The following FAAH2 variants were observed in gnomAD, a reference collection of about 807,000 sequenced individuals.
The protein encoded by FAAH2 is fatty-acid amide hydrolase 2.
FAAH2 carries 60 observed loss-of-function variants against 36.9 expected under a neutral mutation model. The ratio of observed to expected loss-of-function variants is 1.63; its 90% CI spans 1.32 to 2.02. The LOEUF (loss-of-function observed/expected upper bound fraction) is 2.02, where lower values mean the gene tolerates loss of function less well. Ranked by LOEUF, FAAH2 falls within the 30% of genes most tolerant of loss-of-function variation. The pLI, the probability that FAAH2 is intolerant of heterozygous loss-of-function variation, is 0.00. For synonymous variants in FAAH2, 214 were observed against 143.8 expected (o/e 1.49, Z -3.49); for missense variants, 689 against 397.5 (o/e 1.73, Z -6.23).
chrX:57,345,643 T>C (rs190892321), intron 5 of FAAH2, among the ~76,000 whole-genome samples: 1 of 111,608 alleles, frequency 9.0e-6, no homozygotes, highest in East Asian at 2.8e-4. Flanking sequence ...TACCCAATTA[T>C]AGTTACATAT....
intron 10 of FAAH2, among the ~76,000 whole-genome samples, chrX:57,459,440 G>T (rs576339234): frequency 3.6e-5 from 4 of 112,476 alleles, no homozygotes; most frequent in African/African-American, 1.3e-4. Flanking sequence ...ATGGCTCTGA[G>T]GAGAGCAGCA....
chrX:57,272,106 T>C, the FAAH2 span, among the ~76,000 whole-genome samples: 1 of 106,386 alleles, frequency 9.4e-6, no homozygotes, highest in African/African-American at 3.4e-5. Context: ...GTGAAGAATA[T>C]ACAAGTATCA....
the FAAH2 span, among the ~76,000 whole-genome samples, chrX:57,139,517 A>C: frequency 9.0e-6 from 1 of 111,100 alleles, no homozygotes; most frequent in Non-Finnish European, 1.9e-5. Flanking sequence ...GCAGTGGTGC[A>C]ATCTTGGCTC....
the FAAH2 span, among the ~76,000 whole-genome samples, chrX:57,200,758 G>T: frequency 2.3e-3 from 251 of 111,455 alleles, 1 homozygote; most frequent in African/African-American, 7.8e-3. Flanking sequence ...AATTATTTTT[G>T]ATTGGTTCAT....
intron 7 of FAAH2, among the ~76,000 whole-genome samples, chrX:57,422,446 A>T (rs1417629307): frequency 8.9e-6 from 1 of 112,248 alleles, no homozygotes; most frequent in African/African-American, 3.2e-5. Context: ...CTCACTCCAT[A>T]GGTCAGGGAA....
At chrX:57,240,737 C>T in the FAAH2 span, among the ~76,000 whole-genome samples, 1 of 112,074 alleles carries the variant, frequency 8.9e-6, no homozygotes, top group Non-Finnish European at 1.9e-5. Flanking sequence ...TGGTGCTTAT[C>T]AGCAGAAGCT....
At chrX:57,216,610 G>GTA in the FAAH2 span, among the ~76,000 whole-genome samples, 3 of 8,668 alleles carry the variant, frequency 3.5e-4, no homozygotes, top group Non-Finnish European at 5.2e-4. Flanking sequence ...ATATATATAC[G>GTA]TATATATATA....
intron 3 of FAAH2, among the ~76,000 whole-genome samples, chrX:57,328,373 G>A (rs2053288019): frequency 9.0e-6 from 1 of 111,393 alleles, no homozygotes; most frequent in African/African-American, 3.3e-5. Context: ...ATTTTTTCAT[G>A]AAATTTTTAT....
chrX:57,220,128 C>T, the FAAH2 span, among the ~76,000 whole-genome samples: 2 of 108,486 alleles, frequency 1.8e-5, no homozygotes, highest in African/African-American at 6.8e-5. Flanking sequence ...CTTTCTCCTC[C>T]CAACCGTACC....
the FAAH2 span, among the ~76,000 whole-genome samples, chrX:57,240,783 C>T: frequency 2.1e-4 from 23 of 112,024 alleles, no homozygotes; most frequent in African/African-American, 7.5e-4. Context: ...AGTGTAGGAG[C>T]TATGAAGTTG....
chrX:57,429,676 C>A (rs2056247360), intron 7 of FAAH2, among the ~76,000 whole-genome samples: 1 of 111,675 alleles, frequency 9.0e-6, no homozygotes, highest in South Asian at 3.7e-4. Context: ...AATTCCACTA[C>A]TGGTTATCTA....
At chrX:57,275,699 A>T in the FAAH2 span, among the ~76,000 whole-genome samples, 1 of 110,439 alleles carries the variant, frequency 9.1e-6, no homozygotes, top group Admixed American at 9.7e-5. Context: ...AGGGACACAG[A>T]TAGGCTCAAA....
At chrX:57,427,403 A>G (rs1406374866) in intron 7 of FAAH2, among the ~76,000 whole-genome samples, 1 of 111,502 alleles carries the variant, frequency 9.0e-6, no homozygotes, top group African/African-American at 3.3e-5. Context: ...CTATGATGCC[A>G]GTATCACCTT....
chrX:57,429,715 G>A (rs1478867089), intron 7 of FAAH2, among the ~76,000 whole-genome samples: 1 of 111,446 alleles, frequency 9.0e-6, no homozygotes, highest in African/African-American at 3.3e-5. Flanking sequence ...TATACAAAAG[G>A]ATATCTACAC....
chrX:57,467,634 C>T (rs2057075901), intron 10 of FAAH2, among the ~76,000 whole-genome samples: 1 of 111,902 alleles, frequency 8.9e-6, no homozygotes, highest in Non-Finnish European at 1.9e-5. Context: ...CACCACAGCT[C>T]AAGGAGGCCT....
intron 7 of FAAH2, among the ~76,000 whole-genome samples, chrX:57,415,664 A>G (rs1213803086): frequency 2.7e-5 from 3 of 111,555 alleles, no homozygotes; most frequent in Non-Finnish European, 5.6e-5. Flanking sequence ...CATTTTTAGA[A>G]TAAGTGTCCT....
At chrX:57,320,023 G>T (rs984659405) in intron 3 of FAAH2, among the ~76,000 whole-genome samples, 1 of 111,261 alleles carries the variant, frequency 9.0e-6, no homozygotes, top group Non-Finnish European at 1.9e-5. Flanking sequence ...AACTCAAGAT[G>T]GATTAAAGAC....
At chrX:57,274,641 C>T in the FAAH2 span, among the ~76,000 whole-genome samples, 8 of 111,792 alleles carry the variant, frequency 7.2e-5, no homozygotes, top group Non-Finnish European at 1.1e-4. Flanking sequence ...AAAAACAGAA[C>T]AAATGAGAAA....
intron 7 of FAAH2, among the ~76,000 whole-genome samples, chrX:57,413,286 A>C (rs760545071): frequency 8.9e-6 from 1 of 112,172 alleles, no homozygotes; most frequent in East Asian, 2.8e-4. Context: ...TTTAGTCATA[A>C]AGTCCTTGCC....
Sources: allele counts gnomAD v4.1 joint callset (sites outside exome capture counted in the v4.1 genomes callset), GRCh38; gene constraint gnomAD v4.1.1; transcripts MANE v1.5; gene names NCBI Gene and HGNC (gene_info 2026-07-23, HGNC 2026-07-21).